ADGRL2: variants seen among roughly 807,000 people sequenced by gnomAD.
ADGRL2 encodes adhesion G protein-coupled receptor L2.
Under a neutral mutation model 157.4 loss-of-function variants are expected in ADGRL2, and 44 were observed. That is an observed-to-expected ratio of 0.28 (90% CI 0.22 to 0.36). The LOEUF is 0.36. Among genes scored for constraint, ADGRL2 ranks in the 10% least tolerant of loss-of-function variants. ADGRL2 has a pLI of 1.00. For missense variants in ADGRL2, 1,510 were observed against 1,768.9 expected (o/e 0.85, Z 2.63); for synonymous variants, 585 against 624.7 (o/e 0.94, Z 0.95).
chr1:81,756,132 T>C (rs1276745729), intron 1 of ADGRL2, among the ~76,000 whole-genome samples: 1 of 152,196 alleles, frequency 6.6e-6, no homozygotes, highest in Non-Finnish European at 1.5e-5. Context: ...AGCAATCCCT[T>C]TGCTCATGCT....
chr1:81,828,959 T>A (rs548483230), intron 1 of ADGRL2, among the ~76,000 whole-genome samples: 3 of 152,026 alleles, frequency 2.0e-5, no homozygotes, highest in Non-Finnish European at 4.4e-5. Context: ...TTGCCTGGGC[T>A]AGAGTGCAGT....
At chr1:81,557,522 A>AG (rs1553123761) in intron 2 of ADGRL2, 1 of 150,876 alleles carries the variant, frequency 6.6e-6, no homozygotes, top group Non-Finnish European at 1.5e-5. Context: ...AGAAAGAAAG[A>AG]AAGAGAAGAA....
At chr1:81,308,341 T>C (rs973302110) in intron 1 of ADGRL2, among the ~76,000 whole-genome samples, 6 of 152,108 alleles carry the variant, frequency 3.9e-5, no homozygotes, top group Non-Finnish European at 8.8e-5. Flanking sequence ...AAGAAAAGGA[T>C]TTGTCACTAA....
chr1:81,543,892 C>T (rs1557445197), intron 2 of ADGRL2, among the ~76,000 whole-genome samples: 1 of 152,178 alleles, frequency 6.6e-6, no homozygotes, highest in Non-Finnish European at 1.5e-5. Context: ...TTGAAAGTTT[C>T]TCAATACACC....
chr1:81,425,767 A>G (rs1204838933), intron 1 of ADGRL2, among the ~76,000 whole-genome samples: 2 of 152,176 alleles, frequency 1.3e-5, no homozygotes, highest in Non-Finnish European at 2.9e-5. Context: ...GGTCTGAGTC[A>G]CCCCATGGTG....
At chr1:81,723,057 G>T in intron 1 of ADGRL2, 2 of 754,990 alleles carry the variant, frequency 2.6e-6, no homozygotes, top group Non-Finnish European at 4.8e-6. Context: ...TCAGCCAATT[G>T]GGAGTCAAGC....
intron 20 of ADGRL2, 103 bp downstream of exon 20, chr1:81,984,814 C>T: frequency 1.6e-6 from 2 of 1,258,522 alleles, no homozygotes; most frequent in Non-Finnish European, 2.2e-6. Context: ...TTATAATGAT[C>T]TAGATAGCAA....
chr1:81,441,930 G>A (rs1031964488), intron 1 of ADGRL2, among the ~76,000 whole-genome samples: 1 of 152,112 alleles, frequency 6.6e-6, no homozygotes, highest in African/African-American at 2.4e-5. Context: ...GGACCTCCTG[G>A]CCTCAAGTGA....
intron 3 of ADGRL2, among the ~76,000 whole-genome samples, chr1:81,673,934 G>A (rs1232293712): frequency 6.6e-6 from 1 of 151,998 alleles, no homozygotes; most frequent in Admixed American, 6.6e-5. Context: ...AATGCTTGTG[G>A]GATGATCCAC....
rs147959084 is a variant in ADGRL2 at position 81,764,632 on chromosome 1, G to A, written c.-101+2780G>A. 1.6e-4 allele frequency among the ~76,000 whole-genome samples: 25 copies of A among 152,216 alleles called. 1 individual carries two copies. The East Asian group carries it at 4.6e-3, about 28-fold the overall frequency. ...TAGGAGAGACTAGGAGGAATGCATT[G>A]AGGAGTTAAAGAGTATTTTCAGCTA... is the stretch of plus-strand genomic sequence containing the variant. On this transcript the variant is annotated intron_variant, in intron 2 of 20. Transcript: ENST00000359929.
chr1:81,578,280 C>G (rs777634502), intron 2 of ADGRL2, among the ~76,000 whole-genome samples: 1 of 152,062 alleles, frequency 6.6e-6, no homozygotes, highest in Non-Finnish European at 1.5e-5. Flanking sequence ...TCAGAGAGAA[C>G]GTACCAAATA....
intron 1 of ADGRL2, among the ~76,000 whole-genome samples, chr1:81,744,971 T>C (rs1187098454): frequency 6.6e-6 from 1 of 152,110 alleles, no homozygotes; most frequent in Non-Finnish European, 1.5e-5. Flanking sequence ...AGGAAATAAT[T>C]TGATAACAAA....
chr1:81,859,696 C>T (rs1453691904), intron 2 of ADGRL2, among the ~76,000 whole-genome samples: 1 of 152,040 alleles, frequency 6.6e-6, no homozygotes, highest in Non-Finnish European at 1.5e-5. Flanking sequence ...GCATGTGTCA[C>T]CGTGCTTGGC....
At chr1:81,880,758 G>C (rs1267305826) in intron 2 of ADGRL2, among the ~76,000 whole-genome samples, 2 of 151,078 alleles carry the variant, frequency 1.3e-5, no homozygotes, top group African/African-American at 4.9e-5. Context: ...CATGTGTTAA[G>C]GGACAGAATT....
upstream of ADGRL2, among the ~76,000 whole-genome samples, chr1:81,698,129 T>C (rs982360279): frequency 2.0e-5 from 3 of 152,184 alleles, no homozygotes; most frequent in Non-Finnish European, 4.4e-5. Context: ...TGAATAACTT[T>C]CATGTGGAAT....
chr1:81,844,579 C>G (rs1424525339), intron 2 of ADGRL2, among the ~76,000 whole-genome samples: 1 of 152,154 alleles, frequency 6.6e-6, no homozygotes, highest in South Asian at 2.1e-4. Flanking sequence ...TTCTTTTCCC[C>G]TCCTCTGCAA....
At chr1:81,499,731 A>T (rs2078804222) in intron 2 of ADGRL2, among the ~76,000 whole-genome samples, 1 of 152,248 alleles carries the variant, frequency 6.6e-6, no homozygotes, top group Admixed American at 6.5e-5. Flanking sequence ...TACCACTGCT[A>T]TAAATACATG....
rs1253255723 is a variant in ADGRL2 at position 81,613,178 on chromosome 1, A to G, written c.-143+32198A>G. Among the ~76,000 whole-genome samples the G allele has an allele frequency of 2.0e-5, 3 of 152,318 alleles. No homozygotes were observed. In the East Asian group the frequency reaches 5.8e-4, roughly 29 times the overall value. On this transcript the variant is annotated intron_variant, in intron 3 of 24. Coordinates refer to the ADGRL2 transcript ENST00000370721. The stretch of plus-strand genomic sequence containing the variant: ...AACATGAAATTACGTTACCTATAGA[A>G]CTGAGATCATTTTACTTGTCTCCTA...
Position 81,393,325 on chromosome 1 carries a change from TC to T in ADGRL2, c.-301-51710del, listed in dbSNP as rs576920103. Among the ~76,000 whole-genome samples the T allele has an allele frequency of 6.1e-5, 9 of 148,580 alleles. No individual in the cohort carries two copies. In the South Asian group the frequency reaches 1.7e-3, roughly 28 times the overall value. On this transcript the variant is annotated intron_variant, in intron 1 of 24. Coordinates refer to the ADGRL2 transcript ENST00000370721. ...AATAGAGCCTGGTTATGTAGAAGAT[TC>T]AGATAACACACAAAACTCCATGCCC...
Sources: allele counts gnomAD v4.1 joint callset (sites outside exome capture counted in the v4.1 genomes callset), GRCh38; gene constraint gnomAD v4.1.1; transcripts MANE v1.5; gene names NCBI Gene and HGNC (gene_info 2026-07-23, HGNC 2026-07-21).